Variants in MAS1L observed in about 807,000 individuals in gnomAD.
The protein encoded by MAS1L is MAS1 proto-oncogene like, G protein-coupled receptor.
For missense variants in MAS1L, 441 were observed against 460.1 expected, an observed-to-expected ratio of 0.96 and a Z score of 0.38; for synonymous variants, 160 against 182.9, an observed-to-expected ratio of 0.87 and a Z score of 1.01.
At position 29,487,482 on chromosome 6, in the gene MAS1L, C is replaced by T. The variant is rs1399771914; in HGVS notation, c.421G>A (p.Val141Ile). 2 of 1,614,152 alleles carry T rather than the reference C, an allele frequency of 1.2e-6. No homozygotes were observed. Among genetic ancestry groups the T allele is most frequent in the Non-Finnish European group, 1.7e-6 (2 of 1,180,042 alleles). The change falls in exon 1 of 1, where the codon GTC (valine) becomes ATC (isoleucine). Residue 141 changes from valine (V) to isoleucine (I), a missense_variant. By Grantham distance (29) the Val-to-Ile change is conservative (BLOSUM62 3). Transcript: ENST00000377127. Reference protein sequence around the residue: ...LQVTLLTYHGVVFFIPDFLAI... With the variant: ...LQVTLLTYHGIVFFIPDFLAI... Reference sequence around the variant, plus strand: ...AGGAAATCAGGGATAAAAAACACGACTCCATGATAAGTTAGCAGAGTCACC... The same window carrying T: ...AGGAAATCAGGGATAAAAAACACGATTCCATGATAAGTTAGCAGAGTCACC...
In MAS1L at chr6:29,486,943, G is replaced by A. The variant is rs1330890524; in HGVS notation, c.960C>T (p.Leu320=). 6.2e-7 allele frequency: 1 copy of A among 1,614,104 alleles called. No individual in the cohort carries two copies. Among genetic ancestry groups the A allele is most frequent in the Non-Finnish European group, 8.5e-7 (1 of 1,180,028 alleles). The part of the protein sequence containing the change: ...NPIIYFFVGS[L]RKKRLKESLR... The stretch of plus-strand genomic sequence containing the variant: ...GAGATTCCTTCAGCCTTTTCTTTCT[G>A]AGGCTCCCCACAAAGAAATAAATGA... The change falls in exon 1 of 1, where the codon CTC becomes CTT. Residue 320 remains leucine (L), a synonymous_variant. Transcript: ENST00000377127.
In MAS1L at chr6:29,487,538, T is replaced by C. The variant is rs774485283; in HGVS notation, c.365A>G (p.Tyr122Cys). 4.3e-6 allele frequency: 7 copies of C among 1,614,028 alleles called. No individual in the cohort carries two copies. Among genetic ancestry groups the C allele is most frequent in the Admixed American group, 1.7e-5 (1 of 59,992 alleles). The change falls in exon 1 of 1, where the codon TAT becomes TGT. Residue 122 changes from tyrosine to cysteine, a missense_variant. By Grantham distance (194) the Tyr-to-Cys change is radical. Coordinates refer to ENST00000377127, the MANE Select transcript of MAS1L (RefSeq NM_052967.2). ...GAACCCCACTGCCGAGCAGCAAAGATAGATCACGTCAGCAGCGACCAGGTG... is the reference window on the plus strand; with the variant it reads ...GAACCCCACTGCCGAGCAGCAAAGACAGATCACGTCAGCAGCGACCAGGTG... ...ILHLVAADVI[Y>C]LCCSAVGFLQ...
rs144213961 is a variant in MAS1L at position 29,487,349 on chromosome 6, C to T, written c.554G>A (p.Arg185His). The change falls in exon 1 of 1, where the codon CGC (arginine) becomes CAC (histidine). Residue 185 changes from arginine (R) to histidine (H), a missense_variant. Transcript: ENST00000377127. ...VLFPIWYRCH[R>H]PKYTSNVVCT... ...GACAACATTAGATGTGTATTTTGGGCGGTGGCATCTGTACCAGATGGGGAA... is the reference window on the plus strand; with the variant it reads ...GACAACATTAGATGTGTATTTTGGGTGGTGGCATCTGTACCAGATGGGGAA... 5.9e-5 allele frequency: 95 copies of T among 1,613,936 alleles called. 1 individual carries two copies. The highest frequency in any genetic ancestry group is 7.5e-5 in the Non-Finnish European group (89 of 1,180,006).
Position 29,487,053 on chromosome 6 carries a change from G to A in MAS1L, c.850C>T (p.Pro284Ser), listed in dbSNP as rs1355239514. Residue 284 changes from proline to serine, a missense_variant, in exon 1 of 1, where the codon CCC becomes TCC. Physicochemically the swap from Pro to Ser is moderately conservative, Grantham distance 74. Transcript: ENST00000377127. The part of the protein sequence containing the change: ...LLWALPLSVA[P>S]LITDFKMFVT... ...AACATTTTGAAATCTGTTATGAGGG[G>A]TGCCACGCTCAGGGGTAGGGCCCAG... 7 of 1,613,808 alleles carry A rather than the reference G, an allele frequency of 4.3e-6. No individual in the cohort carries two copies. Among genetic ancestry groups the A allele is most frequent in the Non-Finnish European group, 5.1e-6 (6 of 1,179,996 alleles).
At position 29,487,689 on chromosome 6, in the gene MAS1L, C is replaced by T. The variant is rs1253611964; in HGVS notation, c.214G>A (p.Ala72Thr). 4 of 1,614,084 alleles carry T rather than the reference C, an allele frequency of 2.5e-6. No homozygotes were observed. The highest frequency in any genetic ancestry group is 3.4e-6 in the Non-Finnish European group (4 of 1,180,046). ...GGGGCAATGATATTCAAGGGCAGGG[C>T]CTGCTGTCCCACTGCCATGCTCATC... ...MQMSMAVGQQ[A>T]LPLNIIAPKA... Residue 72 changes from alanine (A) to threonine (T), a missense_variant, in exon 1 of 1, where the codon GCC becomes ACC. Coordinates refer to ENST00000377127, the MANE Select transcript of MAS1L (RefSeq NM_052967.2).
At position 29,487,371 on chromosome 6, in the gene MAS1L, G is replaced by T; in HGVS notation, c.532C>A (p.Pro178Thr). 6.2e-7 allele frequency: 1 copy of T among 1,614,032 alleles called. No homozygotes were observed. The highest frequency in any genetic ancestry group is 1.1e-5 in the South Asian group (1 of 91,082). ...STERCVCVLFPIWYRCHRPKY... is the reference protein window; with the variant it reads ...STERCVCVLFTIWYRCHRPKY... ...GGGCGGTGGCATCTGTACCAGATGG[G>T]GAAGAGGACACACACACACCGCTCT... Residue 178 changes from proline (P) to threonine (T), a missense_variant, in exon 1 of 1, where the codon CCC (proline) becomes ACC (threonine). Pro to Thr is a conservative substitution (Grantham distance 38, BLOSUM62 -1). Coordinates refer to ENST00000377127, the MANE Select transcript of MAS1L (RefSeq NM_052967.2).
chr6:29,487,724 A>G lies in MAS1L; in HGVS notation c.179T>C (p.Ile60Thr). The change falls in exon 1 of 1, where the codon ATA becomes ACA. Residue 60 changes from isoleucine to threonine, a missense_variant. Transcript: ENST00000377127. ...VFLQNETNETIHMQMSMAVGQ... is the reference protein window; with the variant it reads ...VFLQNETNETTHMQMSMAVGQ... ...CACTGCCATGCTCATCTGCATATGT[A>G]TGGTTTCATTCGTCTCATTTTGAAG... is the stretch of plus-strand genomic sequence containing the variant. The G allele has an allele frequency of 6.2e-7, 1 of 1,614,234 alleles. No individual in the cohort carries two copies.
In MAS1L at chr6:29,487,392, G is replaced by T; in HGVS notation, c.511C>A (p.Arg171=). The change falls in exon 1 of 1, where the codon CGG becomes AGG. Residue 171 remains arginine, a synonymous_variant. Coordinates refer to ENST00000377127, the MANE Select transcript of MAS1L (RefSeq NM_052967.2). ...LCLLVAISTE[R]CVCVLFPIWY... ...ATGGGGAAGAGGACACACACACACCGCTCTGTGCTGATGGCCACCAGGAGA... is the reference window on the plus strand; with the variant it reads ...ATGGGGAAGAGGACACACACACACCTCTCTGTGCTGATGGCCACCAGGAGA... The T allele has an allele frequency of 6.2e-7, 1 of 1,613,932 alleles. No individual in the cohort carries two copies.
Position 29,486,876 on chromosome 6 carries a change from C to T in MAS1L, c.1027G>A (p.Val343Met). ...CCAGCTGCCTTTTTGTTCCTCCCCA[C>T]CTCTGGCTTATCTGCTAACGCCCGT... is the stretch of plus-strand genomic sequence containing the variant. ...LQRALADKPE[V>M]GRNKKAAGID... Residue 343 changes from valine (V) to methionine (M), a missense_variant, in exon 1 of 1, where the codon GTG (valine) becomes ATG (methionine). Transcript: ENST00000377127. The T allele has an allele frequency of 1.9e-6, 3 of 1,614,210 alleles. No individual in the cohort carries two copies. The highest frequency in any genetic ancestry group is 2.5e-6 in the Non-Finnish European group (3 of 1,180,034).
Position 29,486,828 on chromosome 6 carries a change from G to C in MAS1L, c.1075C>G (p.His359Asp), listed in dbSNP as rs760795567. Residue 359 changes from histidine (H) to aspartate (D), a missense_variant, in exon 1 of 1, where the codon CAC (histidine) becomes GAC (aspartate). Transcript: ENST00000377127. ...AGGTTCTCCACATGCTGAGTAGAGT[G>C]TGGTTGCTCCATTGGGTCGATGCCA... is the stretch of plus-strand genomic sequence containing the variant. Reference protein sequence around the residue: ...AAGIDPMEQPHSTQHVENLLP... With the variant: ...AAGIDPMEQPDSTQHVENLLP... 6.2e-7 allele frequency: 1 copy of C among 1,614,172 alleles called. No individual in the cohort carries two copies. Among genetic ancestry groups the C allele is most frequent in the South Asian group, 1.1e-5 (1 of 91,074 alleles).
chr6:29,487,089 T>C lies in MAS1L; in HGVS notation c.814A>G (p.Met272Val), dbSNP rs766285839. ...AGGGGTAGGGCCCAGAGTAGGAACA[T>C]GGGGGCCGAGATCTGCACCACCGCA... ...VYAVVQISAPMFLLWALPLSV... is the reference protein window; with the variant it reads ...VYAVVQISAPVFLLWALPLSV... The change falls in exon 1 of 1, where the codon ATG becomes GTG. Residue 272 changes from methionine to valine, a missense_variant. Physicochemically the swap from Met to Val is conservative, Grantham distance 21. Transcript: ENST00000377127. The C allele has an allele frequency of 1.9e-6, 3 of 1,569,294 alleles. No homozygotes were observed. Among genetic ancestry groups the C allele is most frequent in the South Asian group, 2.3e-5 (2 of 86,538 alleles).
At position 29,487,169 on chromosome 6, in the gene MAS1L, G is replaced by A. The variant is rs1789342083; in HGVS notation, c.734C>T (p.Thr245Ile). 1.2e-6 allele frequency: 2 copies of A among 1,614,124 alleles called. No individual in the cohort carries two copies. Among genetic ancestry groups the A allele is most frequent in the Non-Finnish European group, 1.7e-6 (2 of 1,180,026 alleles). The change falls in exon 1 of 1, where the codon ACT becomes ATT. Residue 245 changes from threonine (T) to isoleucine (I), a missense_variant. Coordinates refer to ENST00000377127, the MANE Select transcript of MAS1L (RefSeq NM_052967.2). ...GCAGCACAGGAATCTAATGAGTAGA[G>A]TCAGACTCGACACACACATCACAAG... ...LSLVMCVSSLTLLIRFLCCSQ... is the reference protein window; with the variant it reads ...LSLVMCVSSLILLIRFLCCSQ...
Position 29,487,607 on chromosome 6 carries a change from A to C in MAS1L, c.296T>G (p.Leu99Arg). The part of the protein sequence containing the change: ...GVLLNGTVFW[L>R]LCCGATNPYM... ...GGGATTCGTGGCCCCACAGCAAAGC[A>C]GCCAGAAGACAGTGCCATTCAATAA... Residue 99 changes from leucine (L) to arginine (R), a missense_variant, in exon 1 of 1, where the codon CTG becomes CGG. Leu to Arg is a moderately radical substitution (Grantham distance 102). Transcript: ENST00000377127. The C allele has an allele frequency of 1.2e-6, 2 of 1,614,244 alleles. No individual in the cohort carries two copies. The highest frequency in any genetic ancestry group is 8.5e-7 in the Non-Finnish European group (1 of 1,180,046).
At position 29,487,120 on chromosome 6, in the gene MAS1L, C is replaced by G; in HGVS notation, c.783G>C (p.Arg261Ser). Residue 261 changes from arginine (R) to serine (S), a missense_variant, in exon 1 of 1, where the codon AGG (arginine) becomes AGC (serine). Arg to Ser is a moderately radical substitution (Grantham distance 110). Coordinates refer to ENST00000377127, the MANE Select transcript of MAS1L (RefSeq NM_052967.2). ...LCCSQQQKAT[R>S]VYAVVQISAP... ...CCGAGATCTGCACCACCGCATAGAC[C>G]CTGGTGGCCTTTTGCTGCTGGGAGC... 2 of 1,613,998 alleles carry G rather than the reference C, an allele frequency of 1.2e-6. No homozygotes were observed. The highest frequency in any genetic ancestry group is 1.1e-5 in the South Asian group (1 of 91,064).
rs1789309544 is a variant in MAS1L at position 29,486,945 on chromosome 6, G to A, written c.958C>T (p.Leu320Phe). 2.5e-6 allele frequency: 4 copies of A among 1,614,010 alleles called. No homozygotes were observed. The stretch of plus-strand genomic sequence containing the variant: ...GATTCCTTCAGCCTTTTCTTTCTGA[G>A]GCTCCCCACAAAGAAATAAATGATA... The part of the protein sequence containing the change: ...NPIIYFFVGS[L>F]RKKRLKESLR... Residue 320 changes from leucine (L) to phenylalanine (F), a missense_variant, in exon 1 of 1, where the codon CTC becomes TTC. By Grantham distance (22) the Leu-to-Phe change is conservative (BLOSUM62 0). Transcript: ENST00000377127.
rs183530034 is a variant in MAS1L at position 29,487,391 on chromosome 6, C to A, written c.512G>T (p.Arg171Leu). Residue 171 changes from arginine to leucine, a missense_variant, in exon 1 of 1, where the codon CGG becomes CTG. By Grantham distance (102) the Arg-to-Leu change is moderately radical (BLOSUM62 -2). Coordinates refer to ENST00000377127, the MANE Select transcript of MAS1L (RefSeq NM_052967.2). ...LCLLVAISTE[R>L]CVCVLFPIWY... ...GATGGGGAAGAGGACACACACACAC[C>A]GCTCTGTGCTGATGGCCACCAGGAG... 4 of 1,613,936 alleles carry A rather than the reference C, an allele frequency of 2.5e-6. No homozygotes were observed. Among genetic ancestry groups the A allele is most frequent in the African/African-American group, 2.7e-5 (2 of 75,022 alleles).
Position 29,487,018 on chromosome 6 carries a change from G to C in MAS1L, c.885C>G (p.Thr295=). ...LITDFKMFVT[T]SYLISLFLII... Reference sequence around the variant, plus strand: ...TGAGGAACAAGGAAATTAAATAGGAGGTGGTGACAAACATTTTGAAATCTG... The same window carrying C: ...TGAGGAACAAGGAAATTAAATAGGACGTGGTGACAAACATTTTGAAATCTG... The change falls in exon 1 of 1, where the codon ACC becomes ACG. Residue 295 remains threonine, a synonymous_variant. Coordinates refer to ENST00000377127, the MANE Select transcript of MAS1L (RefSeq NM_052967.2). The C allele has an allele frequency of 1.2e-6, 2 of 1,613,968 alleles. No individual in the cohort carries two copies. Among genetic ancestry groups the C allele is most frequent in the Non-Finnish European group, 1.7e-6 (2 of 1,179,918 alleles).
rs1253695116 is a variant in MAS1L at position 29,486,709 on chromosome 6, T to C, written c.*57A>G. The C allele has an allele frequency of 2.6e-6, 4 of 1,513,196 alleles. No homozygotes were observed. The highest frequency in any genetic ancestry group is 1.4e-5 in the African/African-American group (1 of 71,798). 93.7% of individuals were successfully genotyped at this position (1,513,196 alleles called of 1,614,324 possible). A position where few individuals can be genotyped will look rare whatever the true frequency, so the allele number is the denominator to read the frequency against. On this transcript the variant is annotated 3_prime_UTR_variant, in exon 1 of 1. Transcript: ENST00000377127. Reference sequence around the variant, plus strand: ...GCATTGATTTGATGCAGCAGCCTTATGATGCAGAACAGGCTGGGTTACTAT... The same window carrying C: ...GCATTGATTTGATGCAGCAGCCTTACGATGCAGAACAGGCTGGGTTACTAT...
chr6:29,487,879 C>T, the MAS1L span: 1 of 1,610,630 alleles, frequency 6.2e-7, no homozygotes, highest in East Asian at 2.2e-5. Context: ...TCTGGCTGAA[C>T]CAGCAAATTT....
Sources: gnomAD v4.1 joint callset for allele counts on GRCh38, gnomAD v4.1.1 for gene constraint, MANE v1.5 for transcripts, NCBI Gene and HGNC (gene_info 2026-07-23, HGNC 2026-07-21) for gene names.